SV2C: variants seen among roughly 807,000 people sequenced by gnomAD.
SV2C encodes the protein solute carrier family 22 member B3.
SV2C carries 49 observed loss-of-function variants against 79.7 expected under a neutral mutation model. That is an observed-to-expected ratio of 0.61 (90% CI 0.49 to 0.78). The LOEUF is 0.78. Among genes scored for constraint, SV2C ranks in the 30% least tolerant of loss-of-function variants. SV2C has a pLI of 0.00. For synonymous variants in SV2C, 334 were observed against 333.2 expected, an observed-to-expected ratio of 1.00 and a Z score of -0.03; for missense variants, 833 against 912.9, an observed-to-expected ratio of 0.91 and a Z score of 1.13.
chr5:76,285,184 G>C lies in SV2C; in HGVS notation c.936G>C (p.Ser312=), dbSNP rs200052408. ...PHYGWSFSMG[S]AYQFHSWRVF... ...CAGGGTGGAGCTTCAGCATGGGATC[G>C]GCCTACCAGTTTCACAGTTGGCGTG... The change falls in exon 5 of 13, where the codon TCG becomes TCC. Residue 312 remains serine, a synonymous_variant. Coordinates refer to ENST00000502798, the MANE Select transcript of SV2C (RefSeq NM_014979.4). The C allele has an allele frequency of 6.2e-7, 1 of 1,614,086 alleles. No homozygotes were observed. Among genetic ancestry groups the C allele is most frequent in the Admixed American group, 1.7e-5 (1 of 60,018 alleles).
chr5:76,133,465 C>T (rs1281927893), intron 2 of SV2C, among the ~76,000 whole-genome samples: 1 of 152,174 alleles, frequency 6.6e-6, no homozygotes, highest in African/African-American at 2.4e-5. Context: ...CTAATTTGTT[C>T]TGTGACAACA....
chr5:76,207,452 CAG>C (rs1204934962), intron 3 of SV2C, among the ~76,000 whole-genome samples: 9 of 152,318 alleles, frequency 5.9e-5, no homozygotes, highest in Non-Finnish European at 1.0e-4. Flanking sequence ...ATTTGTGACA[CAG>C]ATATTTTATT....
chr5:76,216,204 A>G (rs1377576581), intron 4 of SV2C, among the ~76,000 whole-genome samples: 4 of 152,138 alleles, frequency 2.6e-5, no homozygotes, highest in African/African-American at 9.7e-5. Flanking sequence ...CTTTCTCTTC[A>G]TATCACTGCT....
intron 4 of SV2C, among the ~76,000 whole-genome samples, chr5:76,260,359 T>C (rs1746424482): frequency 6.6e-6 from 1 of 152,210 alleles, no homozygotes; most frequent in African/African-American, 2.4e-5. Flanking sequence ...GTCAGATGGA[T>C]AGATTGCAAA....
intron 2 of SV2C, among the ~76,000 whole-genome samples, chr5:76,167,756 G>A (rs1743088006): frequency 2.0e-5 from 3 of 152,198 alleles, no homozygotes; most frequent in African/African-American, 7.2e-5. Context: ...TCCACTGAGT[G>A]GCTGGTGGTG....
the SV2C span, among the ~76,000 whole-genome samples, chr5:75,983,514 ATCTTG>A: frequency 6.6e-6 from 1 of 151,962 alleles, no homozygotes; most frequent in East Asian, 1.9e-4. Flanking sequence ...TAGTGCAAAT[ATCTTG>A]TCTTGTCATT....
the SV2C span, among the ~76,000 whole-genome samples, chr5:76,002,651 G>A: frequency 6.6e-6 from 1 of 152,096 alleles, no homozygotes; most frequent in Admixed American, 6.6e-5. Flanking sequence ...AACAGAAAAG[G>A]GTGAAGCCTC....
intron 2 of SV2C, among the ~76,000 whole-genome samples, chr5:76,142,667 C>T (rs1282595140): frequency 2.0e-5 from 3 of 152,112 alleles, no homozygotes; most frequent in African/African-American, 7.2e-5. Context: ...TTGTTTGGGA[C>T]ATTTAGTTGG....
At chr5:76,003,487 G>C in the SV2C span, among the ~76,000 whole-genome samples, 1 of 152,108 alleles carries the variant, frequency 6.6e-6, no homozygotes, top group Non-Finnish European at 1.5e-5. Flanking sequence ...ATAATTGCTA[G>C]CCTGTATCCT....
At chr5:76,067,139 G>A in the SV2C span, among the ~76,000 whole-genome samples, 2 of 152,028 alleles carry the variant, frequency 1.3e-5, no homozygotes, top group Admixed American at 6.5e-5. Flanking sequence ...GTCACTTTGA[G>A]TTGTATTTTA....
downstream of SV2C, among the ~76,000 whole-genome samples, chr5:76,334,681 T>C (rs1330934186): frequency 6.6e-6 from 1 of 152,204 alleles, no homozygotes; most frequent in East Asian, 1.9e-4. Context: ...TTTTGACCCC[T>C]TTTTAAGATC....
At chr5:75,912,775 C>T in the SV2C span, among the ~76,000 whole-genome samples, 1 of 152,096 alleles carries the variant, frequency 6.6e-6, no homozygotes, top group African/African-American at 2.4e-5. Context: ...CAAACCAAAA[C>T]AGGTGATTGT....
intron 12 of SV2C, among the ~76,000 whole-genome samples, chr5:76,313,154 C>G (rs1250720058): frequency 6.6e-6 from 1 of 152,214 alleles, no homozygotes; most frequent in African/African-American, 2.4e-5. Context: ...TCACTGTCGT[C>G]ATCTGGTATT....
At position 76,341,648 on chromosome 5, in the gene SV2C, G is replaced by A. The variant is rs867565712; in HGVS notation, c.2001-11482G>A. On this transcript the variant is annotated intron_variant, in intron 12 of 12. Coordinates refer to the SV2C transcript ENST00000322285. ...TGTGAATTAGAAATGATGATAGTTT[G>A]TATTTCACTGGGGTTTATAAGGATT... Among the ~76,000 whole-genome samples the A allele has an allele frequency of 5.3e-5, 8 of 152,302 alleles. No homozygotes were observed. In the Middle Eastern group the frequency reaches 0.014, roughly 259 times the overall value.
intron 1 of SV2C, among the ~76,000 whole-genome samples, chr5:76,128,679 G>A (rs1748787208): frequency 6.6e-6 from 1 of 152,172 alleles, no homozygotes; most frequent in Non-Finnish European, 1.5e-5. Flanking sequence ...ATAAAACAAT[G>A]TACAGGAAGT....
chr5:76,266,849 A>G (rs970613819), intron 4 of SV2C, among the ~76,000 whole-genome samples: 4 of 152,234 alleles, frequency 2.6e-5, no homozygotes, highest in Admixed American at 1.3e-4. Context: ...CACAATGAAA[A>G]CAAAATAAGC....
the SV2C span, among the ~76,000 whole-genome samples, chr5:76,038,822 T>C: frequency 6.6e-6 from 1 of 152,228 alleles, no homozygotes; most frequent in African/African-American, 2.4e-5. Context: ...CATTGCTTCT[T>C]TGCATTAATG....
At chr5:76,032,123 A>G in the SV2C span, among the ~76,000 whole-genome samples, 1 of 152,360 alleles carries the variant, frequency 6.6e-6, no homozygotes, top group South Asian at 2.1e-4. Flanking sequence ...TTAAGTGATA[A>G]CTAATGAATA....
chr5:75,947,551 G>A, the SV2C span, among the ~76,000 whole-genome samples: 10 of 152,012 alleles, frequency 6.6e-5, no homozygotes, highest in South Asian at 1.9e-3. Context: ...TGCTGGATAT[G>A]AGTGTGGGAG....
Sources: gnomAD v4.1 joint callset for allele counts (sites outside exome capture counted in the v4.1 genomes callset) on GRCh38, gnomAD v4.1.1 for gene constraint, MANE v1.5 for transcripts, NCBI Gene and HGNC (gene_info 2026-07-23, HGNC 2026-07-21) for gene names.